Variants in ZNF804A observed in about 807,000 individuals in gnomAD.
ZNF804A encodes zinc finger protein 804A.
In ZNF804A, 2 loss-of-function variants were observed where a neutral mutation model predicts 16.5. That is an observed-to-expected ratio of 0.12 (90% CI 0.05 to 0.38). The LOEUF is 0.38. Among genes scored for constraint, ZNF804A ranks in the 10% least tolerant of loss-of-function variants. ZNF804A has a pLI of 0.99. For synonymous variants in ZNF804A, 534 were observed against 489.6 expected (o/e 1.09, Z -1.20); for missense variants, 1,473 against 1,390.7 (o/e 1.06, Z -0.94).
chr2:184,775,250 G>A lies in ZNF804A; in HGVS notation c.112-91119G>A, dbSNP rs146654218. ...CACAAAAATATATAAACAACTCACT[G>A]GGAACTTGTAGGTTCTTTTGAAAGT... On this transcript the variant is annotated intron_variant, in intron 1 of 3. Transcript: ENST00000302277. Among the ~76,000 whole-genome samples the A allele has an allele frequency of 2.6e-5, 4 of 151,684 alleles. No homozygotes were observed. The East Asian group carries it at 7.8e-4, about 30-fold the overall frequency.
chr2:184,607,610 G>C (rs1691170476), intron 1 of ZNF804A, among the ~76,000 whole-genome samples: 1 of 151,924 alleles, frequency 6.6e-6, no homozygotes, highest in African/African-American at 2.4e-5. Context: ...ATGACACGTG[G>C]TGATTATGGG....
intron 2 of ZNF804A, among the ~76,000 whole-genome samples, chr2:184,905,616 G>A (rs1396850809): frequency 6.6e-6 from 1 of 152,070 alleles, no homozygotes; most frequent in Non-Finnish European, 1.5e-5. Context: ...GATTAATACA[G>A]TCAGCTATAA....
chr2:184,640,923 GC>G (rs1230201972), intron 1 of ZNF804A, among the ~76,000 whole-genome samples: 1 of 152,058 alleles, frequency 6.6e-6, no homozygotes, highest in Non-Finnish European at 1.5e-5. Flanking sequence ...AGGCAACAAT[GC>G]CCAATCTTTC....
intron 1 of ZNF804A, among the ~76,000 whole-genome samples, chr2:184,668,225 A>C (rs907561840): frequency 6.6e-6 from 1 of 151,900 alleles, no homozygotes; most frequent in Non-Finnish European, 1.5e-5. Flanking sequence ...TATGTGTTCA[A>C]TGTGGCATGA....
chr2:184,690,278 G>C (rs989156602), intron 1 of ZNF804A, among the ~76,000 whole-genome samples: 6 of 151,728 alleles, frequency 4.0e-5, no homozygotes, highest in African/African-American at 1.5e-4. Context: ...TGTATATTTG[G>C]TGTATTATTG....
At chr2:184,868,249 A>G (rs1006723222) in intron 2 of ZNF804A, among the ~76,000 whole-genome samples, 1 of 152,120 alleles carries the variant, frequency 6.6e-6, no homozygotes, top group African/African-American at 2.4e-5. Context: ...ATGATGTTCC[A>G]GAAGCTAAAA....
At chr2:184,781,168 A>T (rs910962589) in intron 1 of ZNF804A, among the ~76,000 whole-genome samples, 5 of 151,910 alleles carry the variant, frequency 3.3e-5, no homozygotes, top group African/African-American at 1.2e-4. Flanking sequence ...ATTTGGGGAA[A>T]CAGAGACATC....
At chr2:184,931,251 CAA>C (rs1365863522) in intron 2 of ZNF804A, among the ~76,000 whole-genome samples, 1 of 152,244 alleles carries the variant, frequency 6.6e-6, no homozygotes, top group African/African-American at 2.4e-5. Context: ...AAGCAGTGCC[CAA>C]GTGGGGACTC....
chr2:184,888,164 A>G (rs1684926095), intron 2 of ZNF804A, among the ~76,000 whole-genome samples: 1 of 152,208 alleles, frequency 6.6e-6, no homozygotes, highest in Admixed American at 6.5e-5. Flanking sequence ...TTACTATGTA[A>G]AAATAATTCT....
intron 1 of ZNF804A, among the ~76,000 whole-genome samples, chr2:184,637,011 TAGA>T (rs1691710721): frequency 6.6e-6 from 1 of 152,202 alleles, no homozygotes; most frequent in Admixed American, 6.5e-5. Flanking sequence ...AAATGTTGTG[TAGA>T]AGATTTTTAA....
In ZNF804A at chr2:184,858,766, T is replaced by A. The variant is rs868463622; in HGVS notation, c.112-7603T>A. ...TACCTACTTTTTCAGTACTCACTTTTATCAGTCAGTTTTACACTTTCATAT... is the reference window on the plus strand; with the variant it reads ...TACCTACTTTTTCAGTACTCACTTTAATCAGTCAGTTTTACACTTTCATAT... On this transcript the variant is annotated intron_variant, in intron 1 of 3. Transcript: ENST00000302277. Among the ~76,000 whole-genome samples the A allele has an allele frequency of 1.2e-4, 18 of 152,308 alleles. No homozygotes were observed. The South Asian group carries it at 2.9e-3, about 25-fold the overall frequency.
intron 1 of ZNF804A, among the ~76,000 whole-genome samples, chr2:184,736,054 G>A (rs554625031): frequency 6.6e-6 from 1 of 152,284 alleles, no homozygotes; most frequent in East Asian, 1.9e-4. Context: ...TTGGCTTACT[G>A]ATAAAATAAG....
chr2:184,668,591 C>G (rs1692289522), intron 1 of ZNF804A, among the ~76,000 whole-genome samples: 2 of 151,686 alleles, frequency 1.3e-5, no homozygotes. Context: ...TCAGAAGGTT[C>G]AAAAACTCTT....
At position 184,938,380 on chromosome 2, in the gene ZNF804A, A is replaced by G; in HGVS notation, c.2984A>G (p.Asn995Ser). 1 of 1,614,138 alleles carries G rather than the reference A, an allele frequency of 6.2e-7. No homozygotes were observed. The highest frequency in any genetic ancestry group is 1.1e-5 in the South Asian group (1 of 91,088). The change falls in exon 4 of 4, where the codon AAT becomes AGT. Residue 995 changes from asparagine to serine, a missense_variant. By Grantham distance (46) the Asn-to-Ser change is conservative. Transcript: ENST00000302277. ...NETPTEWLRY[N>S]SGILNTQPPL... ...ACACCAACTGAGTGGCTGCGTTATA[A>G]TTCAGGAATCCTTAACACACAACCA...
intron 2 of ZNF804A, among the ~76,000 whole-genome samples, chr2:184,888,753 T>TA (rs1684936592): frequency 6.6e-6 from 1 of 151,930 alleles, no homozygotes; most frequent in Non-Finnish European, 1.5e-5. Context: ...ATTGGAGGCA[T>TA]AAAAAAGAAG....
At chr2:184,607,936 CTTT>C (rs34262998) in intron 1 of ZNF804A, among the ~76,000 whole-genome samples, 1 of 65,654 alleles carries the variant, frequency 1.5e-5, no homozygotes, top group South Asian at 6.4e-4. Context: ...TGATGCATCT[CTTT>C]TTTTTTTTTT....
chr2:184,754,833 T>G (rs2105760389), intron 1 of ZNF804A, among the ~76,000 whole-genome samples: 1 of 151,986 alleles, frequency 6.6e-6, no homozygotes, highest in South Asian at 2.1e-4. Context: ...AGAAATAGTC[T>G]AAGGAAATGT....
At chr2:184,615,419 A>G (rs1691303527) in intron 1 of ZNF804A, among the ~76,000 whole-genome samples, 1 of 152,228 alleles carries the variant, frequency 6.6e-6, no homozygotes, top group Non-Finnish European at 1.5e-5. Context: ...TGCCAAAGAC[A>G]GTCCCAGTTT....
rs1465760741 is a variant in ZNF804A at position 184,937,221 on chromosome 2, G to A, written c.1825G>A (p.Glu609Lys). Residue 609 changes from glutamate (E) to lysine (K), a missense_variant, in exon 4 of 4, where the codon GAG (glutamate) becomes AAG (lysine). Glu to Lys is a moderately conservative substitution (Grantham distance 56, BLOSUM62 1). Transcript: ENST00000302277. Reference protein sequence around the residue: ...RKKLCQHHHMEKTKESETRCK... With the variant: ...RKKLCQHHHMKKTKESETRCK... The stretch of plus-strand genomic sequence containing the variant: ...AAAGTTATGTCAGCATCATCATATG[G>A]AGAAAACCAAAGAATCAGAAACTCG... The A allele has an allele frequency of 2.5e-6, 4 of 1,608,904 alleles. No individual in the cohort carries two copies. The highest frequency in any genetic ancestry group is 2.2e-5 in the East Asian group (1 of 44,804).
Sources: gnomAD v4.1 joint callset for allele counts (sites outside exome capture counted in the v4.1 genomes callset) on GRCh38, gnomAD v4.1.1 for gene constraint, MANE v1.5 for transcripts, NCBI Gene and HGNC (gene_info 2026-07-23, HGNC 2026-07-21) for gene names.